Variants in EIF2AK4 observed in about 807,000 individuals in gnomAD.
The protein encoded by EIF2AK4 is eIF-2-alpha kinase GCN2.
A neutral mutation model predicts 211.1 loss-of-function variants in EIF2AK4; 139 were observed. The ratio of observed to expected loss-of-function variants is 0.66; its 90% CI spans 0.57 to 0.76. The LOEUF (loss-of-function observed/expected upper bound fraction) is 0.76. Ranked by LOEUF, EIF2AK4 falls within the 30% of genes least tolerant of loss-of-function variation. The pLI, the probability that EIF2AK4 is intolerant of heterozygous loss-of-function variation, is 0.00. For synonymous variants in EIF2AK4, 710 were observed against 751.3 expected (o/e 0.94, Z 0.90); for missense variants, 1,664 against 2,043.8 (o/e 0.81, Z 3.58).
At chr15:39,973,513 G>C in intron 10 of EIF2AK4, 79 bp from the exon 11 acceptor site, 1 of 1,411,432 alleles carries the variant, frequency 7.1e-7, no homozygotes, top group Non-Finnish European at 9.6e-7. Context: ...TTCTTCCAGG[G>C]CTTCCATCAT....
Position 39,978,069 on chromosome 15 carries a change from C to CTT in EIF2AK4, c.2250-5_2250-4dup, listed in dbSNP as rs2034726274. ...CTGTTCCTTTAGTATTTCTGTTTCC[C>CTT]TTTTTCAGGCCTGCTTCAGATTCTG... On this transcript the variant is annotated splice_polypyrimidine_tract_variant and intron_variant, in intron 12 of 38. Coordinates refer to ENST00000263791, the MANE Select transcript of EIF2AK4 (RefSeq NM_001013703.4). 1.9e-6 allele frequency: 3 copies of CTT among 1,588,848 alleles called. No individual in the cohort carries two copies. The highest frequency in any genetic ancestry group is 1.7e-6 in the Non-Finnish European group (2 of 1,164,210).
chr15:39,968,122 G>C (rs73388510), intron 9 of EIF2AK4, among the ~76,000 whole-genome samples: 3 of 152,220 alleles, frequency 2.0e-5, no homozygotes, highest in East Asian at 3.9e-4. Flanking sequence ...AACTCCTTTT[G>C]GGGGACTGAT....
At chr15:40,022,707 G>A (rs1018248152) in intron 32 of EIF2AK4, 102 bp downstream of exon 32, 2 of 964,306 alleles carry the variant, frequency 2.1e-6, no homozygotes, top group African/African-American at 1.7e-5. Context: ...CTGGAAATCC[G>A]TTCCCTCTAC....
chr15:40,030,695 C>T (rs1266707332), intron 35 of EIF2AK4, among the ~76,000 whole-genome samples: 2 of 152,106 alleles, frequency 1.3e-5, no homozygotes, highest in African/African-American at 4.8e-5. Flanking sequence ...AGAGTGACTG[C>T]ATCTAAATGA....
intron 9 of EIF2AK4, among the ~76,000 whole-genome samples, chr15:39,970,581 A>C (rs2034609742): frequency 6.6e-6 from 1 of 152,212 alleles, no homozygotes; most frequent in Admixed American, 6.5e-5. Flanking sequence ...CACATGGTGG[A>C]ATGAAAAAAG....
rs1465177940 is a variant in EIF2AK4, at chr15:40,032,641, C to T, written c.4729-116C>T. 7 of 891,866 alleles carry T rather than the reference C, an allele frequency of 7.8e-6. No homozygotes were observed. In the Admixed American group the frequency reaches 1.6e-4, roughly 21 times the overall value. 55.2% of individuals were successfully genotyped at this position (891,866 alleles called of 1,614,324 possible). On this transcript the variant is annotated intron_variant, in intron 36 of 38. Coordinates refer to ENST00000263791, the MANE Select transcript of EIF2AK4 (RefSeq NM_001013703.4). ...CAGTTCATTAAGCCCTTTTACAGCA[C>T]AATAGCATCTCAGACTCTGCAAACC... is the stretch of plus-strand genomic sequence containing the variant.
chr15:40,005,971 A>G (rs999531589), intron 23 of EIF2AK4, among the ~76,000 whole-genome samples: 2 of 144,998 alleles, frequency 1.4e-5, no homozygotes, highest in Admixed American at 6.9e-5. Flanking sequence ...AGATACTCAG[A>G]AAAAAAAAAA....
chr15:39,976,404 T>C lies in EIF2AK4; in HGVS notation c.1819-10T>C, dbSNP rs2034692438. ...TCCGAGCGGCTGACCTTCCCCTGGCTGTGCCGCAGGTGCAGAACAAGTTGG... is the reference window on the plus strand; with the variant it reads ...TCCGAGCGGCTGACCTTCCCCTGGCCGTGCCGCAGGTGCAGAACAAGTTGG... On this transcript the variant is annotated splice_polypyrimidine_tract_variant and intron_variant, in intron 11 of 38. Transcript: ENST00000263791. 1 of 1,580,798 alleles carries C rather than the reference T, an allele frequency of 6.3e-7. No individual in the cohort carries two copies. The highest frequency in any genetic ancestry group is 8.6e-7 in the Non-Finnish European group (1 of 1,163,556).
chr15:39,962,788 A>G (rs1233431250), intron 7 of EIF2AK4, among the ~76,000 whole-genome samples: 1 of 152,212 alleles, frequency 6.6e-6, no homozygotes, highest in Non-Finnish European at 1.5e-5. Context: ...CAGAATTTGA[A>G]TTGCTCATAC....
In EIF2AK4 at chr15:39,934,163, G is replaced by A. The variant is rs1254301215; in HGVS notation, c.-33G>A. ...CTGCCGGGGGCCCACCGCCGCCCAG[G>A]CAAGGCCGCCCTGCCTTGGGCGCAG... On this transcript the variant is annotated 5_prime_UTR_variant, in exon 1 of 39. Coordinates refer to ENST00000263791, the MANE Select transcript of EIF2AK4 (RefSeq NM_001013703.4). The A allele has an allele frequency of 2.2e-6, 3 of 1,335,682 alleles. No individual in the cohort carries two copies. The South Asian group carries it at 6.0e-5, about 27-fold the overall frequency. 82.7% of individuals were successfully genotyped at this position (1,335,682 alleles called of 1,614,324 possible).
chr15:40,021,101 A>G lies in EIF2AK4; in HGVS notation c.4302+74A>G, dbSNP rs1418027900. The G allele has an allele frequency of 2.7e-6, 4 of 1,496,868 alleles. No individual in the cohort carries two copies. The East Asian group carries it at 7.2e-5, about 27-fold the overall frequency. The allele number at this position is 1,496,868 out of a possible 1,614,324, so 92.7% of individuals were successfully genotyped here. ...TTCATGGCAAATATCCTCTGCACCT[A>G]TAGACTGTCAAACTCTGTTTATCTC... On this transcript the variant is annotated intron_variant, in intron 31 of 38. Coordinates refer to ENST00000263791, the MANE Select transcript of EIF2AK4 (RefSeq NM_001013703.4).
chr15:39,949,039 T>A (rs1269947386), intron 3 of EIF2AK4, 77 bp from the exon 4 acceptor site: 1 of 1,565,814 alleles, frequency 6.4e-7, no homozygotes, highest in East Asian at 2.3e-5. Flanking sequence ...CAGTTTGCTT[T>A]CCTGTTCTGT....
chr15:40,022,484 G>C (rs2035404317), intron 31 of EIF2AK4, 35 bp from the exon 32 acceptor site: 3 of 1,564,770 alleles, frequency 1.9e-6, no homozygotes, highest in Non-Finnish European at 2.6e-6. Context: ...CAGGTGCTCT[G>C]TGTTTATTTT....
chr15:40,003,959 G>GAT (rs2035126115), intron 23 of EIF2AK4, among the ~76,000 whole-genome samples: 2 of 152,204 alleles, frequency 1.3e-5, no homozygotes, highest in South Asian at 4.1e-4. Flanking sequence ...ATGAGCAAAG[G>GAT]ATATAACCAG....
At chr15:40,009,507 A>G (rs538739757) in intron 25 of EIF2AK4, 107 bp from the exon 26 acceptor site, 14 of 666,754 alleles carry the variant, frequency 2.1e-5, no homozygotes, top group Admixed American at 8.1e-5. Flanking sequence ...GCTAAATTCA[A>G]TCCTTCCATT....
chr15:40,005,665 G>A (rs1385560118), intron 23 of EIF2AK4, among the ~76,000 whole-genome samples: 6 of 151,208 alleles, frequency 4.0e-5, no homozygotes, highest in Admixed American at 3.9e-4. Context: ...TCCGCCTCCC[G>A]GGTTCACGCC....
At position 39,992,009 on chromosome 15, in the gene EIF2AK4, C is replaced by T. The variant is rs867978844; in HGVS notation, c.2632-166C>T. ...TTCATTGGGTTTTCTGAGAGCCTTG[C>T]ATTAGTGGGTTAACTAAACTAGAAA... On this transcript the variant is annotated intron_variant, in intron 16 of 38. Coordinates refer to ENST00000263791, the MANE Select transcript of EIF2AK4 (RefSeq NM_001013703.4). 4.6e-5 allele frequency: 26 copies of T among 560,210 alleles called. 1 individual carries two copies. Among genetic ancestry groups the T allele is most frequent in the South Asian group, 3.7e-4 (12 of 32,340 alleles). The allele number at this position is 560,210 out of a possible 1,614,324, so 34.7% of individuals were successfully genotyped here.
rs200122425 is a variant in EIF2AK4, at chr15:40,008,044, T to G, written c.3425T>G (p.Val1142Gly). The G allele has an allele frequency of 3.1e-5, 50 of 1,601,780 alleles. No homozygotes were observed. The highest frequency in any genetic ancestry group is 6.8e-6 in the Non-Finnish European group (8 of 1,174,962). ...CTCTCCAGATACTGCATAGAACGTG[T>G]GTTCAGGCCGCGCAAGTTAGATCGA... ...LNLKRYCIER[V>G]FRPRKLDRFH... Residue 1142 changes from valine to glycine, a missense_variant, in exon 25 of 39, where the codon GTG (valine) becomes GGG (glycine). Physicochemically the swap from Val to Gly is moderately radical, Grantham distance 109. This residue lies in a region of EIF2AK4 where 622 missense variants were observed against 796.8 expected (regional missense o/e 0.78). Transcript: ENST00000263791.
chr15:40,018,032 A>C (rs1456702392), intron 29 of EIF2AK4, among the ~76,000 whole-genome samples: 1 of 152,188 alleles, frequency 6.6e-6, no homozygotes, highest in Non-Finnish European at 1.5e-5. Context: ...GAAATGTAGA[A>C]ACTTTATCTC....
Sources: gnomAD v4.1 joint callset for allele counts (sites outside exome capture counted in the v4.1 genomes callset) on GRCh38, gnomAD v4.1.1 for gene constraint, gnomAD v4.1.1 regional missense constraint, MANE v1.5 for transcripts, NCBI Gene and HGNC (gene_info 2026-07-23, HGNC 2026-07-21) for gene names.